Variants in CTIF observed in about 807,000 individuals in gnomAD.
CTIF encodes the protein CBP80/20-dependent translation initiation factor.
A neutral mutation model predicts 66.0 loss-of-function variants in CTIF; 21 were observed. The ratio of observed to expected loss-of-function variants is 0.32; its 90% CI spans 0.23 to 0.46. The LOEUF (loss-of-function observed/expected upper bound fraction) is 0.46, where lower values mean the gene tolerates loss of function less well. Ranked by LOEUF, CTIF falls within the 20% of genes least tolerant of loss-of-function variation. The pLI is 1.00. For synonymous variants in CTIF, 345 were observed against 326.4 expected, an observed-to-expected ratio of 1.06 and a Z score of -0.62; for missense variants, 739 against 812.7, an observed-to-expected ratio of 0.91 and a Z score of 1.10.
chr18:48,676,097 C>T (rs963091483), intron 6 of CTIF, among the ~76,000 whole-genome samples: 10 of 152,048 alleles, frequency 6.6e-5, no homozygotes, highest in South Asian at 2.1e-4. Flanking sequence ...GTGAAGTCGG[C>T]GCGACCAGTG....
Position 48,583,599 on chromosome 18 carries a change from C to G in CTIF, c.-28-35939C>G, listed in dbSNP as rs528137688. ...TGTTTTAATCATCTTCTACAAGATC[C>G]TCAGGTCCGCAAGGGCCTGCAACAT... On this transcript the variant is annotated intron_variant, in intron 1 of 11. Coordinates refer to ENST00000256413, the MANE Select transcript of CTIF (RefSeq NM_014772.3). Among the ~76,000 whole-genome samples, 7 of 152,322 alleles carry G rather than the reference C, an allele frequency of 4.6e-5. No homozygotes were observed. The South Asian group carries it at 1.2e-3, about 27-fold the overall frequency.
At chr18:48,578,440 T>C (rs1250545924) in intron 1 of CTIF, among the ~76,000 whole-genome samples, 1 of 152,224 alleles carries the variant, frequency 6.6e-6, no homozygotes, top group Non-Finnish European at 1.5e-5. Flanking sequence ...ACAATCGCTT[T>C]AGCAATGCTT....
At chr18:48,743,873 G>T (rs2092574254) in intron 7 of CTIF, among the ~76,000 whole-genome samples, 1 of 152,186 alleles carries the variant, frequency 6.6e-6, no homozygotes, top group African/African-American at 2.4e-5. Flanking sequence ...AGATTCAGCT[G>T]TGGCAGCCCT....
At chr18:48,629,616 C>T (rs2090665749) in intron 2 of CTIF, among the ~76,000 whole-genome samples, 2 of 149,146 alleles carry the variant, frequency 1.3e-5, no homozygotes, top group South Asian at 4.4e-4. Flanking sequence ...CAGCAATTTT[C>T]CCAGTAATAT....
intron 3 of CTIF, among the ~76,000 whole-genome samples, chr18:48,650,743 G>A (rs1008412330): frequency 4.6e-5 from 7 of 152,120 alleles, no homozygotes; most frequent in African/African-American, 1.7e-4. Flanking sequence ...GGTTACCCAC[G>A]AAAGAAAGCC....
At chr18:48,610,013 A>C (rs547556623) in intron 1 of CTIF, among the ~76,000 whole-genome samples, 2 of 151,320 alleles carry the variant, frequency 1.3e-5, no homozygotes, top group Non-Finnish European at 2.9e-5. Flanking sequence ...GGAAGAGCTG[A>C]GGAGGCCCAC....
chr18:48,664,962 C>T (rs1371000606), intron 5 of CTIF, among the ~76,000 whole-genome samples: 32 of 145,022 alleles, frequency 2.2e-4, no homozygotes, highest in Non-Finnish European at 3.3e-4. Flanking sequence ...GGCCGGACTG[C>T]GGACTGCAGT....
At position 48,761,718 on chromosome 18, in the gene CTIF, G is replaced by A. The variant is rs375954616; in HGVS notation, c.1371+29G>A. 2.1e-5 allele frequency: 34 copies of A among 1,588,140 alleles called. No homozygotes were observed. Among genetic ancestry groups the A allele is most frequent in the East Asian group, 1.8e-4 (8 of 44,482 alleles). On this transcript the variant is annotated intron_variant, in intron 9 of 11. Transcript: ENST00000256413. This position sits in a 1 kb window ranked among gnomAD's most constrained non-coding sequence, Gnocchi z 4.2. ...ACTGGACGCCGGCCACCACCGCCCC[G>A]CGCCCCCTGCCCCTCTGCGTTCGGT...
intron 6 of CTIF, among the ~76,000 whole-genome samples, chr18:48,671,365 G>A (rs1200066061): frequency 1.3e-5 from 2 of 152,162 alleles, no homozygotes; most frequent in African/African-American, 4.8e-5. Flanking sequence ...CTGCAGGGGT[G>A]TAAAAGCAGT....
At chr18:48,666,780 T>C (rs1485078226) in intron 5 of CTIF, among the ~76,000 whole-genome samples, 1 of 152,194 alleles carries the variant, frequency 6.6e-6, no homozygotes, top group Non-Finnish European at 1.5e-5. Flanking sequence ...CACTGCCTGC[T>C]CAGCCCACTC....
intron 3 of CTIF, among the ~76,000 whole-genome samples, chr18:48,641,616 G>T (rs2090934311): frequency 6.6e-6 from 1 of 152,206 alleles, no homozygotes; most frequent in Non-Finnish European, 1.5e-5. Flanking sequence ...GAGTCAAAGA[G>T]CCTTGTCCCA....
intron 7 of CTIF, among the ~76,000 whole-genome samples, chr18:48,727,519 A>G (rs2092396539): frequency 1.3e-5 from 2 of 152,134 alleles, no homozygotes; most frequent in Admixed American, 1.3e-4. Flanking sequence ...TTCCAGTCCA[A>G]GTTGTTGTGT....
At chr18:48,554,720 A>G (rs747267832) in intron 1 of CTIF, among the ~76,000 whole-genome samples, 5 of 152,192 alleles carry the variant, frequency 3.3e-5, no homozygotes, top group African/African-American at 9.6e-5. Context: ...TCCCACTTCA[A>G]TCTAGAAGAT....
At chr18:48,575,389 G>A (rs1343308087) in intron 1 of CTIF, among the ~76,000 whole-genome samples, 1 of 152,274 alleles carries the variant, frequency 6.6e-6, no homozygotes, top group African/African-American at 2.4e-5. Flanking sequence ...CCACAAAGCT[G>A]GCCAGTGACA....
At chr18:48,698,009 G>C (rs2145346318) in intron 6 of CTIF, among the ~76,000 whole-genome samples, 1 of 148,988 alleles carries the variant, frequency 6.7e-6, no homozygotes, top group South Asian at 2.1e-4. Context: ...GGTCAAGCGT[G>C]GGGTATGACC....
intron 9 of CTIF, among the ~76,000 whole-genome samples, chr18:48,785,596 G>T (rs1911634100): frequency 6.6e-6 from 1 of 151,908 alleles, no homozygotes; most frequent in Non-Finnish European, 1.5e-5. Flanking sequence ...TTTCAAAAGT[G>T]AGACTCCCCA....
chr18:48,761,718 G>T lies in CTIF; in HGVS notation c.1371+29G>T, dbSNP rs375954616. ...ACTGGACGCCGGCCACCACCGCCCCGCGCCCCCTGCCCCTCTGCGTTCGGT... is the reference window on the plus strand; with the variant it reads ...ACTGGACGCCGGCCACCACCGCCCCTCGCCCCCTGCCCCTCTGCGTTCGGT... On this transcript the variant is annotated intron_variant, in intron 9 of 11. Coordinates refer to ENST00000256413, the MANE Select transcript of CTIF (RefSeq NM_014772.3). This position sits in a 1 kb window ranked among gnomAD's most constrained non-coding sequence, Gnocchi z 4.2. 3 of 1,588,258 alleles carry T rather than the reference G, an allele frequency of 1.9e-6. No homozygotes were observed. Among genetic ancestry groups the T allele is most frequent in the Admixed American group, 1.7e-5 (1 of 59,200 alleles).
chr18:48,585,803 A>G (rs16949564), intron 1 of CTIF, among the ~76,000 whole-genome samples: 4,181 of 152,292 alleles, frequency 0.027, 197 homozygotes, highest in African/African-American at 0.096. Flanking sequence ...GAATCGGCTC[A>G]GAGCGTTTCA....
chr18:48,605,907 CTTAGA>C (rs2090192336), intron 1 of CTIF, among the ~76,000 whole-genome samples: 2 of 152,346 alleles, frequency 1.3e-5, no homozygotes, highest in African/African-American at 4.8e-5. Flanking sequence ...TTAACTGGAA[CTTAGA>C]TTTTTCTGGC....
Sources: allele counts gnomAD v4.1 joint callset (sites outside exome capture counted in the v4.1 genomes callset), GRCh38; gene constraint gnomAD v4.1.1; non-coding constraint Gnocchi (gnomAD v3.1); transcripts MANE v1.5; gene names NCBI Gene and HGNC (gene_info 2026-07-23, HGNC 2026-07-21).